Variants in PUS10 observed in about 807,000 individuals in gnomAD.
PUS10 encodes tRNA pseudouridine synthase Pus10.
A neutral mutation model predicts 75.0 loss-of-function variants in PUS10; 59 were observed. The ratio of observed to expected loss-of-function variants is 0.79; its 90% confidence interval spans 0.64 to 0.98. PUS10 has a LOEUF of 0.98. PUS10 is among the 50% of genes least tolerant of loss of function. The pLI is 0.00. For synonymous variants in PUS10, 219 were observed against 211.6 expected, an observed-to-expected ratio of 1.03 and a Z score of -0.30; for missense variants, 650 against 614.4, an observed-to-expected ratio of 1.06 and a Z score of -0.61.
At position 60,953,073 on chromosome 2, in the gene PUS10, G is replaced by C; in HGVS notation, c.1232C>G (p.Thr411Arg). 1 of 1,608,528 alleles carries C rather than the reference G, an allele frequency of 6.2e-7. No homozygotes were observed. The highest frequency in any genetic ancestry group is 1.1e-5 in the South Asian group (1 of 90,882). ...CCAAATTAAGGCACTGTAGGTCTTT[G>C]TCTTTTCTTCTTCACCTTCTTTCAT... Reference protein sequence around the residue: ...GHMKEGEEEKTKTYSALIWTN... With the variant: ...GHMKEGEEEKRKTYSALIWTN... Residue 411 changes from threonine to arginine, a missense_variant, in exon 15 of 18, where the codon ACA (threonine) becomes AGA (arginine). Coordinates refer to ENST00000316752, the MANE Select transcript of PUS10 (RefSeq NM_144709.4).
At chr2:60,985,302 G>C (rs191520805) in intron 4 of PUS10, among the ~76,000 whole-genome samples, 2 of 152,126 alleles carry the variant, frequency 1.3e-5, no homozygotes, top group Admixed American at 1.3e-4. Context: ...AATAGGTTGA[G>C]GTCTATTTTA....
At chr2:60,979,366 C>T (rs1677241739) in intron 4 of PUS10, among the ~76,000 whole-genome samples, 1 of 152,170 alleles carries the variant, frequency 6.6e-6, no homozygotes, top group African/African-American at 2.4e-5. Flanking sequence ...CTGTGCCTCA[C>T]CGTGTGTCAG....
At chr2:60,947,855 AG>A (rs1392994479) in intron 16 of PUS10, among the ~76,000 whole-genome samples, 187 bp downstream of exon 16, 8 of 151,400 alleles carry the variant, frequency 5.3e-5, no homozygotes, top group African/African-American at 1.9e-4. Context: ...AAAAAAGAAA[AG>A]AAAAGAAAAA....
intron 10 of PUS10, 130 bp downstream of exon 10, chr2:60,961,333 A>G: frequency 2.8e-6 from 2 of 727,016 alleles, no homozygotes; most frequent in Non-Finnish European, 4.7e-6. Flanking sequence ...TATTGATTCT[A>G]CTTCTCAAGA....
intron 15 of PUS10, 47 bp downstream of exon 15, chr2:60,952,950 T>C: frequency 9.6e-7 from 1 of 1,043,504 alleles, no homozygotes; most frequent in Non-Finnish European, 1.5e-6. Flanking sequence ...GGATCTTTGA[T>C]AGGCAACAGA....
intron 15 of PUS10, among the ~76,000 whole-genome samples, chr2:60,952,787 G>C (rs898450753): frequency 6.6e-6 from 1 of 152,346 alleles, no homozygotes; most frequent in African/African-American, 2.4e-5. Flanking sequence ...CAGAGTGGGG[G>C]TCTTCCCCAC....
chr2:61,016,425 G>A (rs1679981552), intron 1 of PUS10, among the ~76,000 whole-genome samples: 1 of 152,156 alleles, frequency 6.6e-6, no homozygotes, highest in Admixed American at 6.5e-5. Flanking sequence ...ATAATTAAAT[G>A]CCAGGATTTC....
chr2:60,946,319 G>A (rs891754809), intron 16 of PUS10, among the ~76,000 whole-genome samples: 5 of 152,158 alleles, frequency 3.3e-5, no homozygotes, highest in Admixed American at 3.3e-4. Context: ...AGTAAATTTA[G>A]TAAGTGAAAA....
At position 60,942,241 on chromosome 2, in the gene PUS10, A is replaced by T; in HGVS notation, c.*154T>A. ...AATATACACATATATAGATCCTGAG[A>T]TGTTACAACAAATTAACAATTATAT... On this transcript the variant is annotated 3_prime_UTR_variant, in exon 18 of 18. Coordinates refer to ENST00000316752, the MANE Select transcript of PUS10 (RefSeq NM_144709.4). 1 of 678,484 alleles carries T rather than the reference A, an allele frequency of 1.5e-6. No individual in the cohort carries two copies. Among genetic ancestry groups the T allele is most frequent in the Non-Finnish European group, 2.7e-6 (1 of 372,932 alleles). The allele number at this position is 678,484 out of a possible 1,614,324, so 42.0% of individuals were successfully genotyped here.
intron 4 of PUS10, among the ~76,000 whole-genome samples, chr2:60,984,514 A>G (rs951402681): frequency 6.6e-6 from 1 of 152,196 alleles, no homozygotes; most frequent in Non-Finnish European, 1.5e-5. Flanking sequence ...ACCTATCACA[A>G]TTCTAAATCT....
chr2:60,954,120 C>T lies in PUS10; in HGVS notation c.1096G>A (p.Val366Ile). 1 of 1,614,146 alleles carries T rather than the reference C, an allele frequency of 6.2e-7. No individual in the cohort carries two copies. Among genetic ancestry groups the T allele is most frequent in the Non-Finnish European group, 8.5e-7 (1 of 1,180,008 alleles). ...TTAATTTCTTGTGAAGTGAAATGTA[C>T]TCTATGAGGATTCACCAGCTCAATT... ...FAIELVNPHR[V>I]HFTSQEIKEL... The change falls in exon 13 of 18, where the codon GTA becomes ATA. Residue 366 changes from valine to isoleucine, a missense_variant. Transcript: ENST00000316752.
chr2:61,007,559 A>G (rs1436456491), intron 3 of PUS10, among the ~76,000 whole-genome samples: 2 of 152,052 alleles, frequency 1.3e-5, no homozygotes, highest in African/African-American at 4.8e-5. Flanking sequence ...ACCTGAGGTC[A>G]GGAGTTCGAG....
At chr2:61,007,422 C>A (rs764079160) in intron 3 of PUS10, among the ~76,000 whole-genome samples, 1 of 152,112 alleles carries the variant, frequency 6.6e-6, no homozygotes, top group Non-Finnish European at 1.5e-5. Context: ...TATCATGCCA[C>A]TGCACTCCAG....
intron 4 of PUS10, among the ~76,000 whole-genome samples, chr2:61,005,599 G>A (rs1679158677): frequency 6.6e-6 from 1 of 152,322 alleles, no homozygotes; most frequent in Non-Finnish European, 1.5e-5. Context: ...AATTGGACCA[G>A]AAGATGGCAC....
Position 60,941,444 on chromosome 2 carries a change from A to G in PUS10, c.*951T>C, listed in dbSNP as rs989706956. ...CAAGAAACTTCAGTTCTAGTCCTCAATATAGAAGTAGCTAACAATTTTGGA... is the reference window on the plus strand; with the variant it reads ...CAAGAAACTTCAGTTCTAGTCCTCAGTATAGAAGTAGCTAACAATTTTGGA... On this transcript the variant is annotated 3_prime_UTR_variant, in exon 18 of 18. Transcript: ENST00000316752. The G allele has an allele frequency of 1.3e-5, 2 of 152,420 alleles. No homozygotes were observed. The highest frequency in any genetic ancestry group is 1.9e-4 in the East Asian group (1 of 5,324). 9.4% of individuals were successfully genotyped at this position (152,420 alleles called of 1,614,324 possible).
At chr2:60,955,813 GGAA>G (rs1675612020) in intron 11 of PUS10, among the ~76,000 whole-genome samples, 1 of 152,116 alleles carries the variant, frequency 6.6e-6, no homozygotes, top group African/African-American at 2.4e-5. Flanking sequence ...AGTCCTGTTT[GGAA>G]GAAGAGCCCA....
At position 60,954,138 on chromosome 2, in the gene PUS10, G is replaced by A; in HGVS notation, c.1078C>T (p.Leu360=). 1.2e-6 allele frequency: 2 copies of A among 1,614,180 alleles called. No homozygotes were observed. The highest frequency in any genetic ancestry group is 1.7e-5 in the Admixed American group (1 of 60,032). ...LGNGRPFAIE[L]VNPHRVHFTS... The stretch of plus-strand genomic sequence containing the variant: ...AAATGTACTCTATGAGGATTCACCA[G>A]CTCAATTGCAAAGGGCCTTCCTGGC... Residue 360 remains leucine (L), a synonymous_variant, in exon 13 of 18, where the codon CTG becomes TTG. Transcript: ENST00000316752.
intron 16 of PUS10, 65 bp from the exon 17 acceptor site, chr2:60,945,173 A>C (rs535920782): frequency 1.0e-6 from 1 of 973,676 alleles, no homozygotes; most frequent in East Asian, 2.4e-5. Context: ...AAGATTTGAC[A>C]GGCAAAAATA....
At chr2:60,954,563 T>C (rs1331117956) in intron 12 of PUS10, among the ~76,000 whole-genome samples, 1 of 152,240 alleles carries the variant, frequency 6.6e-6, no homozygotes, top group Non-Finnish European at 1.5e-5. Context: ...GAAGGAACTA[T>C]AAGCCTCAAA....
Sources: gnomAD v4.1 joint callset for allele counts (sites outside exome capture counted in the v4.1 genomes callset) on GRCh38, gnomAD v4.1.1 for gene constraint, MANE v1.5 for transcripts, NCBI Gene and HGNC (gene_info 2026-07-23, HGNC 2026-07-21) for gene names.